HTR2C: variants seen among roughly 807,000 people sequenced by gnomAD.
HTR2C encodes 5-hydroxytryptamine receptor 2C, also known as 5-hydroxytryptamine (serotonin) receptor 2C, G protein-coupled.
HTR2C carries 5 observed loss-of-function variants against 21.0 expected under a neutral mutation model. The ratio of observed to expected loss-of-function variants is 0.24; its 90% confidence interval spans 0.12 to 0.50. The LOEUF (loss-of-function observed/expected upper bound fraction) is 0.50. HTR2C is among the 20% of genes least tolerant of loss of function. The pLI is 0.98. For synonymous variants in HTR2C, 150 were observed against 145.3 expected (o/e 1.03, Z -0.23); for missense variants, 271 against 371.2 (o/e 0.73, Z 2.22).
intron 4 of HTR2C, among the ~76,000 whole-genome samples, chrX:114,765,566 C>G (rs1303128100): frequency 2.7e-5 from 3 of 110,648 alleles, no homozygotes; most frequent in Non-Finnish European, 5.7e-5. Context: ...TGCCACCAAC[C>G]CATGGAAATG....
intron 4 of HTR2C, among the ~76,000 whole-genome samples, chrX:114,778,482 C>T (rs2070081579): frequency 9.1e-6 from 1 of 109,708 alleles, no homozygotes; most frequent in South Asian, 3.9e-4. Flanking sequence ...GAGAATCTGT[C>T]CTAGTTGAGT....
chrX:114,807,708 C>T (rs1556451148), intron 4 of HTR2C, among the ~76,000 whole-genome samples: 1 of 106,911 alleles, frequency 9.4e-6, no homozygotes, highest in Non-Finnish European at 1.9e-5. Context: ...GAGTCTCACT[C>T]TATCACCAAG....
At chrX:114,717,962 A>C (rs1228594524) in intron 2 of HTR2C, among the ~76,000 whole-genome samples, 2 of 111,702 alleles carry the variant, frequency 1.8e-5, no homozygotes, top group Non-Finnish European at 3.8e-5. Flanking sequence ...TATTAATACA[A>C]CACCTTTAAA....
intron 1 of HTR2C, among the ~76,000 whole-genome samples, chrX:114,597,326 C>T (rs782818975): frequency 2.7e-5 from 3 of 109,322 alleles, no homozygotes; most frequent in Non-Finnish European, 5.7e-5. Flanking sequence ...CTTAGAGTCA[C>T]AAAACTGTCA....
chrX:114,740,099 CCTCT>C (rs1304609215), intron 4 of HTR2C, among the ~76,000 whole-genome samples: 2 of 106,283 alleles, frequency 1.9e-5, no homozygotes, highest in Admixed American at 1.0e-4. Flanking sequence ...ACAGCCAAAC[CCTCT>C]CTCTCTCTCT....
intron 5 of HTR2C, among the ~76,000 whole-genome samples, chrX:114,853,279 CACTA>C (rs1187317101): frequency 9.0e-6 from 1 of 111,037 alleles, no homozygotes; most frequent in Admixed American, 9.7e-5. Flanking sequence ...AAGTTATAGA[CACTA>C]ACCATTTAAC....
chrX:114,872,189 T>C (rs1401665303), intron 5 of HTR2C, among the ~76,000 whole-genome samples: 1 of 110,874 alleles, frequency 9.0e-6, no homozygotes, highest in African/African-American at 3.3e-5. Context: ...TTATTAGTAA[T>C]TGGTGACTTC....
intron 4 of HTR2C, among the ~76,000 whole-genome samples, chrX:114,762,685 T>G (rs1229323460): frequency 3.6e-5 from 4 of 112,009 alleles, no homozygotes; most frequent in African/African-American, 1.3e-4. Context: ...CCAACAATTT[T>G]TAAACTTTAT....
At chrX:114,890,387 TAA>T (rs1293357587) in intron 5 of HTR2C, among the ~76,000 whole-genome samples, 2 of 111,970 alleles carry the variant, frequency 1.8e-5, no homozygotes, top group Non-Finnish European at 3.8e-5. Flanking sequence ...CTTTGTAAAA[TAA>T]AAAGAGTTTT....
At chrX:114,818,435 C>T (rs1556455209) in intron 4 of HTR2C, among the ~76,000 whole-genome samples, 2 of 112,137 alleles carry the variant, frequency 1.8e-5, no homozygotes, top group East Asian at 2.8e-4. Flanking sequence ...AAGCTAATGA[C>T]TATCCTTATC....
chrX:114,787,475 T>C (rs781868448), intron 4 of HTR2C, among the ~76,000 whole-genome samples: 1 of 111,589 alleles, frequency 9.0e-6, no homozygotes, highest in Non-Finnish European at 1.9e-5. Flanking sequence ...ATGGAAAAAA[T>C]GAACTGAAAG....
intron 2 of HTR2C, among the ~76,000 whole-genome samples, chrX:114,633,945 T>TAGAGAGAGAGAGAG (rs1216290509): frequency 5.4e-4 from 14 of 25,877 alleles, no homozygotes; most frequent in East Asian, 0.026. Flanking sequence ...TATATATATA[T>TAGAGAGAGAGAGAG]ATAGAGAGAG....
rs183490705 is a variant in HTR2C, at chrX:114,754,812, A to G, written c.349+23205A>G. Among the ~76,000 whole-genome samples the G allele has an allele frequency of 8.8e-3, 987 of 112,183 alleles. 11 individuals carry two copies. Among genetic ancestry groups the G allele is most frequent in the African/African-American group, 0.03 (941 of 30,890 alleles). ...AAAATGAAAAACTTTTGCTCTGCAAAAGAGCCCTTTAAAGGAATTGGAAAA... is the reference window on the plus strand; with the variant it reads ...AAAATGAAAAACTTTTGCTCTGCAAGAGAGCCCTTTAAAGGAATTGGAAAA... On this transcript the variant is annotated intron_variant, in intron 4 of 5. Transcript: ENST00000276198.
At chrX:114,729,517 C>T (rs1274575985) in intron 3 of HTR2C, among the ~76,000 whole-genome samples, 1 of 111,619 alleles carries the variant, frequency 9.0e-6, no homozygotes, top group Non-Finnish European at 1.9e-5. Context: ...TAACTTGCTT[C>T]TGTTTATTTG....
chrX:114,788,112 A>G (rs1453993835), intron 4 of HTR2C, among the ~76,000 whole-genome samples: 1 of 111,090 alleles, frequency 9.0e-6, no homozygotes, highest in Non-Finnish European at 1.9e-5. Flanking sequence ...AGTATTAATT[A>G]AACTAAGAGA....
chrX:114,744,487 T>C (rs1455034145), intron 4 of HTR2C, among the ~76,000 whole-genome samples: 1 of 107,359 alleles, frequency 9.3e-6, no homozygotes, highest in Non-Finnish European at 1.9e-5. Flanking sequence ...GAGTCACGCT[T>C]TGTCGCCCAG....
chrX:114,826,452 G>T (rs2070679058), intron 4 of HTR2C, among the ~76,000 whole-genome samples: 1 of 111,807 alleles, frequency 8.9e-6, no homozygotes, highest in Admixed American at 9.5e-5. Context: ...CAGTCAAAAT[G>T]CCATCAAAAC....
chrX:114,768,983 C>T (rs1399106546), intron 4 of HTR2C, among the ~76,000 whole-genome samples: 7 of 110,078 alleles, frequency 6.4e-5, no homozygotes, highest in African/African-American at 2.3e-4. Context: ...ACACTTCTAG[C>T]TTTACCTCAT....
intron 5 of HTR2C, among the ~76,000 whole-genome samples, chrX:114,871,179 G>T (rs959512436): frequency 9.0e-6 from 1 of 110,499 alleles, no homozygotes; most frequent in East Asian, 2.8e-4. Context: ...TTTTTTTATT[G>T]ACCCACTGGT....
Sources: allele counts gnomAD v4.1 joint callset (sites outside exome capture counted in the v4.1 genomes callset), GRCh38; gene constraint gnomAD v4.1.1; transcripts MANE v1.5; gene names NCBI Gene and HGNC (gene_info 2026-07-23, HGNC 2026-07-21).